Variants in PIWIL3 observed in about 807,000 individuals in gnomAD.
The protein encoded by PIWIL3 is piwi-like protein 3.
Under a neutral mutation model 109.7 loss-of-function variants are expected in PIWIL3, and 101 were observed. The observed-to-expected ratio is 0.92, with a 90% CI of 0.78 to 1.09. The LOEUF (loss-of-function observed/expected upper bound fraction) is 1.09. PIWIL3 is among the 50% of genes least tolerant of loss of function. PIWIL3 has a pLI of 0.00. For synonymous variants in PIWIL3, 373 were observed against 376.4 expected (o/e 0.99, Z 0.10); for missense variants, 1,031 against 1,072.6 (o/e 0.96, Z 0.54).
chr22:24,763,215 G>A (rs1485756632), intron 1 of PIWIL3, among the ~76,000 whole-genome samples: 3 of 151,200 alleles, frequency 2.0e-5, no homozygotes, highest in East Asian at 1.9e-4. Context: ...CGCAATCTCA[G>A]CTCACTGCAA....
intron 2 of PIWIL3, among the ~76,000 whole-genome samples, chr22:24,761,137 G>A (rs577529134): frequency 6.6e-6 from 1 of 152,144 alleles, no homozygotes; most frequent in South Asian, 2.1e-4. Flanking sequence ...CACCCGTGGG[G>A]GTGTTAGGTG....
At chr22:24,761,928 T>G (rs1925461151) in intron 2 of PIWIL3, 1 of 982,400 alleles carries the variant, frequency 1.0e-6, no homozygotes, top group Non-Finnish European at 1.2e-6. Flanking sequence ...CCCTGGAGGT[T>G]GTCAGATGGG....
Position 24,755,902 on chromosome 22 carries a change from C to T in PIWIL3, c.574G>A (p.Val192Met), listed in dbSNP as rs752403988. The change falls in exon 6 of 21, where the codon GTG becomes ATG. Residue 192 changes from valine (V) to methionine (M), a missense_variant. Physicochemically the swap from Val to Met is conservative, Grantham distance 21. Transcript: ENST00000616349. ...LLSRPLKERR[V>M]EWLSTTKDKN... ...TCTTTGGTTGTGCTCAACCATTCCA[C>T]TCTCTGAGATTAAAAAAAAACAAAA... 1.3e-5 allele frequency: 21 copies of T among 1,608,280 alleles called. No individual in the cohort carries two copies. Among genetic ancestry groups the T allele is most frequent in the Non-Finnish European group, 1.5e-5 (18 of 1,178,286 alleles).
intron 13 of PIWIL3, among the ~76,000 whole-genome samples, chr22:24,735,029 T>C (rs1024513437): frequency 1.3e-5 from 2 of 151,650 alleles, no homozygotes; most frequent in African/African-American, 4.8e-5. Flanking sequence ...GGCAAAACCA[T>C]GGAGACGGTA....
At position 24,735,854 on chromosome 22, in the gene PIWIL3, T is replaced by C. The variant is rs757333110; in HGVS notation, c.1488A>G (p.Ile496Met). The C allele has an allele frequency of 6.2e-7, 1 of 1,611,158 alleles. No individual in the cohort carries two copies. Among genetic ancestry groups the C allele is most frequent in the East Asian group, 2.2e-5 (1 of 44,844 alleles). Residue 496 changes from isoleucine to methionine, a missense_variant, in exon 13 of 21, where the codon ATA becomes ATG. Ile to Met is a conservative substitution (Grantham distance 10). Coordinates refer to ENST00000616349, the MANE Select transcript of PIWIL3 (RefSeq NM_001255975.1). ...ANSQGDWSREIRELPLLNAMP... is the reference protein window; with the variant it reads ...ANSQGDWSREMRELPLLNAMP... ...TTGCATTAAGTAAGGGTAATTCTCT[T>C]ATTTCTCTTGACCAGTCTCCTTGTG...
At chr22:24,745,057 CAAA>C (rs1459495671) in intron 12 of PIWIL3, among the ~76,000 whole-genome samples, 2 of 152,072 alleles carry the variant, frequency 1.3e-5, no homozygotes, top group African/African-American at 2.4e-5. Context: ...AACTAGAAAT[CAAA>C]AACGAGGAAT....
chr22:24,741,986 ATACC>A lies in PIWIL3; in HGVS notation c.1450-6098_1450-6095del, dbSNP rs759178750. Among the ~76,000 whole-genome samples the A allele has an allele frequency of 4.6e-5, 7 of 152,258 alleles. No individual in the cohort carries two copies. In the East Asian group the frequency reaches 1.4e-3, roughly 29 times the overall value. On this transcript the variant is annotated intron_variant, in intron 12 of 20. Transcript: ENST00000616349. The stretch of plus-strand genomic sequence containing the variant: ...CACTGTTTGCTGATGATATGATTGC[ATACC>A]TAGAAAACCCTAAAGACTCATCCAA...
intron 8 of PIWIL3, among the ~76,000 whole-genome samples, chr22:24,751,739 C>A (rs1924722480): frequency 6.6e-6 from 1 of 152,240 alleles, no homozygotes; most frequent in African/African-American, 2.4e-5. Flanking sequence ...AGTCACTTCC[C>A]ATTTTAGCCT....
At chr22:24,769,796 CAAA>C (rs970700703) in intron 1 of PIWIL3, 57 of 124,686 alleles carry the variant, frequency 4.6e-4, no homozygotes, top group African/African-American at 1.6e-3. Flanking sequence ...AACTCTGTCT[CAAA>C]AATAATAATA....
intron 6 of PIWIL3, 28 bp downstream of exon 6, chr22:24,755,756 T>C (rs2147706036): frequency 2.5e-6 from 4 of 1,612,952 alleles, no homozygotes; most frequent in Non-Finnish European, 3.4e-6. Context: ...CGAATGAGTA[T>C]CAAAGAAACT....
At chr22:24,760,066 C>T in intron 2 of PIWIL3, 77 bp from the exon 3 acceptor site, 4 of 1,572,634 alleles carry the variant, frequency 2.5e-6, no homozygotes, top group Non-Finnish European at 3.5e-6. Flanking sequence ...ACTCGCAGGG[C>T]ACAAGGCAAA....
Position 24,728,036 on chromosome 22 carries a change from G to A in PIWIL3, c.1923C>T (p.Phe641=), listed in dbSNP as rs1447409313. ...TATCGTGGAAACAATCAATGCCAAC[G>A]AACATTGTTCTTTGTACCTTAAGTT... ...KVETDVQRTM[F]VGIDCFHDIV... is the part of the protein sequence containing the mutation. Residue 641 remains phenylalanine (F), a synonymous_variant, in exon 16 of 21, where the codon TTC becomes TTT. Transcript: ENST00000616349. 3.7e-6 allele frequency: 6 copies of A among 1,613,832 alleles called. No individual in the cohort carries two copies. Among genetic ancestry groups the A allele is most frequent in the African/African-American group, 1.3e-5 (1 of 74,926 alleles).
At chr22:24,768,537 C>A (rs1445858895) in intron 1 of PIWIL3, among the ~76,000 whole-genome samples, 1 of 152,192 alleles carries the variant, frequency 6.6e-6, no homozygotes, top group Non-Finnish European at 1.5e-5. Context: ...CAGGCGTGAG[C>A]CCCCACGCCT....
intron 1 of PIWIL3, among the ~76,000 whole-genome samples, chr22:24,771,741 T>C (rs1466419333): frequency 1.7e-4 from 8 of 46,562 alleles, no homozygotes; most frequent in African/African-American, 6.1e-4. Flanking sequence ...TCTTGCCCTC[T>C]TTTTTTTTTG....
intron 1 of PIWIL3, among the ~76,000 whole-genome samples, chr22:24,770,703 C>T (rs918229566): frequency 4.0e-5 from 6 of 148,936 alleles, no homozygotes; most frequent in African/African-American, 1.5e-4. Context: ...GGCATGGTGG[C>T]AGGCACCTGT....
At position 24,756,685 on chromosome 22, in the gene PIWIL3, G is replaced by A. The variant is rs76140045; in HGVS notation, c.376C>T (p.Gln126Ter). ...SKTGSEGTVV[Q>*]LLANHFRVIS... is the part of the protein sequence containing the mutation. The stretch of plus-strand genomic sequence containing the variant: ...ACTCGGAAGTGGTTGGCGAGTAGCT[G>A]TACCACTGTACCCTCTGAACCTGAA... Residue 126 changes from glutamine (Q) to a stop codon, truncating the protein, a stop_gained, in exon 5 of 21, where the codon CAG (glutamine) becomes TAG (stop). Transcript: ENST00000616349. LOFTEE classifies it high-confidence loss of function. The A allele has an allele frequency of 7.4e-6, 12 of 1,613,388 alleles. No homozygotes were observed. Among genetic ancestry groups the A allele is most frequent in the African/African-American group, 5.3e-5 (4 of 74,914 alleles).
chr22:24,760,955 A>G (rs1925401404), intron 2 of PIWIL3, among the ~76,000 whole-genome samples: 1 of 151,854 alleles, frequency 6.6e-6, no homozygotes. Flanking sequence ...CTGATACTGG[A>G]TAGTTTTTGA....
intron 18 of PIWIL3, 120 bp from the exon 19 acceptor site, chr22:24,723,375 C>T (rs1922793265): frequency 2.0e-6 from 2 of 1,012,342 alleles, no homozygotes; most frequent in Admixed American, 2.4e-5. Flanking sequence ...AGCAGCCCTC[C>T]TTACACCCTA....
At position 24,754,012 on chromosome 22, in the gene PIWIL3, AC is replaced by A; in HGVS notation, c.977+1del. 6.3e-7 allele frequency: 1 copy of A among 1,594,704 alleles called. No individual in the cohort carries two copies. The highest frequency in any genetic ancestry group is 8.6e-7 in the Non-Finnish European group (1 of 1,162,436). On this transcript the variant is annotated splice_donor_variant, in intron 8 of 20. Transcript: ENST00000616349. LOFTEE classifies it high-confidence loss of function. ...GGATAGGTTTTTAAAAGACAGACTT[AC>A]TTTGTCAGAACAATTGATCCAATTA...
Sources: allele counts gnomAD v4.1 joint callset (sites outside exome capture counted in the v4.1 genomes callset), GRCh38; gene constraint gnomAD v4.1.1; transcripts MANE v1.5; gene names NCBI Gene and HGNC (gene_info 2026-07-23, HGNC 2026-07-21).